The following DYSF variants were observed in gnomAD, a reference collection of about 807,000 sequenced individuals.
DYSF encodes the protein dysferlin.
DYSF carries 212 observed loss-of-function variants against 274.9 expected under a neutral mutation model. That is an observed-to-expected ratio of 0.77 (90% confidence interval 0.69 to 0.86). DYSF has a LOEUF of 0.86. Among genes scored for constraint, DYSF ranks in the 40% least tolerant of loss-of-function variants. The pLI, the probability that DYSF is intolerant of heterozygous loss-of-function variation, is 0.00. For missense variants in DYSF, 2,666 were observed against 2,783.2 expected (o/e 0.96, Z 0.95); for synonymous variants, 1,091 against 1,078.7 (o/e 1.01, Z -0.22).
intron 35 of DYSF, 155 bp from the exon 36 acceptor site, chr2:71,602,621 G>T (rs2093573047): frequency 1.4e-6 from 1 of 704,598 alleles, no homozygotes; most frequent in Admixed American, 2.1e-5. Context: ...TACCCTTGGT[G>T]GGAGGTGGTT....
At chr2:71,573,809 C>CTTTTTCT (rs1172047134) in intron 29 of DYSF, among the ~76,000 whole-genome samples, 1 of 151,944 alleles carries the variant, frequency 6.6e-6, no homozygotes, top group Non-Finnish European at 1.5e-5. Context: ...CCTGATTTTT[C>CTTTTTCT]TTTTTCTTTT....
intron 3 of DYSF, among the ~76,000 whole-genome samples, chr2:71,490,611 G>C (rs1045668236): frequency 6.6e-6 from 1 of 152,234 alleles, no homozygotes; most frequent in African/African-American, 2.4e-5. Flanking sequence ...ACAGGCGTGA[G>C]CCACTGCGCC....
At chr2:71,543,726 G>A (rs1274809637) in intron 17 of DYSF, among the ~76,000 whole-genome samples, 1 of 152,220 alleles carries the variant, frequency 6.6e-6, no homozygotes, top group African/African-American at 2.4e-5. Context: ...GTCAGGCGTG[G>A]CGGCGCGCGC....
At chr2:71,621,124 G>A (rs1387106195) in intron 41 of DYSF, among the ~76,000 whole-genome samples, 2 of 152,026 alleles carry the variant, frequency 1.3e-5, no homozygotes, top group African/African-American at 4.8e-5. Context: ...TGCCTGAGTG[G>A]ATTCCTTAGG....
intron 12 of DYSF, among the ~76,000 whole-genome samples, chr2:71,523,735 C>T (rs1278953513): frequency 2.0e-5 from 3 of 151,906 alleles, no homozygotes; most frequent in East Asian, 3.9e-4. Context: ...TTAGTAGAGA[C>T]GGGGTTTCAC....
chr2:71,468,171 ACCTGATGCTG>A (rs1220305886), intron 1 of DYSF, among the ~76,000 whole-genome samples: 2 of 152,206 alleles, frequency 1.3e-5, no homozygotes, highest in Non-Finnish European at 2.9e-5. Context: ...TCCAGTGTCC[ACCTGATGCTG>A]CCTAAGGCTT....
intron 3 of DYSF, among the ~76,000 whole-genome samples, chr2:71,482,943 A>C (rs2083053968): frequency 6.6e-6 from 1 of 152,038 alleles, no homozygotes; most frequent in African/African-American, 2.4e-5. Context: ...GTGGTGTCTG[A>C]GGCCTGAAAG....
rs144420549 is a variant in DYSF, at chr2:71,678,537, G to T, written c.5885-520G>T. On this transcript the variant is annotated intron_variant, in intron 52 of 55. Transcript: ENST00000410020. ...GGTTACTGGGGCGAAGGGGAGGGAG[G>T]AATGGGGAGTTATTGCTTAATGGGT... is the stretch of plus-strand genomic sequence containing the variant. Among the ~76,000 whole-genome samples the T allele has an allele frequency of 4.6e-3, 699 of 152,260 alleles. 4 individuals carry two copies. The highest frequency in any genetic ancestry group is 0.016 in the African/African-American group (658 of 41,554).
At chr2:71,610,782 T>C (rs17430004) in intron 36 of DYSF, 4,442 of 259,636 alleles carry the variant, frequency 0.017, 52 homozygotes, top group Middle Eastern at 0.026. Context: ...CCAGGACAGA[T>C]GATAACCCGG....
intron 32 of DYSF, among the ~76,000 whole-genome samples, chr2:71,592,764 C>T (rs1471052290): frequency 2.0e-5 from 3 of 152,212 alleles, no homozygotes; most frequent in South Asian, 4.1e-4. Context: ...CCGGGGGCTC[C>T]TACAGCCCTC....
intron 17 of DYSF, among the ~76,000 whole-genome samples, chr2:71,550,157 G>A (rs901605806): frequency 6.6e-6 from 1 of 152,234 alleles, no homozygotes; most frequent in East Asian, 1.9e-4. Flanking sequence ...CTCTGGCCCT[G>A]CTTTCTACCT....
At chr2:71,537,256 G>A (rs1465646239) in intron 16 of DYSF, among the ~76,000 whole-genome samples, 3 of 142,642 alleles carry the variant, frequency 2.1e-5, no homozygotes, top group African/African-American at 8.0e-5. Flanking sequence ...TGCGGGGGGC[G>A]TGGTGGGAGG....
chr2:71,519,811 G>GTTTTTTTTTTTTT (rs70959241), intron 10 of DYSF, among the ~76,000 whole-genome samples: 3 of 102,286 alleles, frequency 2.9e-5, no homozygotes, highest in Non-Finnish European at 5.6e-5. Context: ...CACCCGGCTA[G>GTTTTTTTTTTTTT]TTTTTTTTTT....
At chr2:71,478,782 GCCTC>G (rs1352003032) in intron 1 of DYSF, among the ~76,000 whole-genome samples, 3 of 151,938 alleles carry the variant, frequency 2.0e-5, no homozygotes, top group East Asian at 3.9e-4. Flanking sequence ...GCCCCTCCCT[GCCTC>G]CCTCCCTCCC....
chr2:71,686,382 C>G, intron 55 of DYSF, 72 bp from the exon 56 acceptor site: 4 of 1,590,732 alleles, frequency 2.5e-6, no homozygotes, highest in African/African-American at 1.3e-5. Flanking sequence ...AGCCCCAGGT[C>G]TGGGACAGCT....
chr2:71,536,985 C>T (rs1404353655), intron 16 of DYSF, among the ~76,000 whole-genome samples: 1 of 151,936 alleles, frequency 6.6e-6, no homozygotes, highest in East Asian at 1.9e-4. Flanking sequence ...ACAACAACAA[C>T]AAAAAAACCC....
At chr2:71,608,453 G>A (rs1246408172) in intron 36 of DYSF, among the ~76,000 whole-genome samples, 1 of 152,136 alleles carries the variant, frequency 6.6e-6, no homozygotes, top group Non-Finnish European at 1.5e-5. Context: ...ACAGCACGGT[G>A]GACAGAGATG....
rs572409232 is a variant in DYSF, at chr2:71,553,607, G to A, written c.1985-200G>A. On this transcript the variant is annotated intron_variant, in intron 20 of 55. Coordinates refer to ENST00000410020, the MANE Select transcript of DYSF (RefSeq NM_001130987.2). The stretch of plus-strand genomic sequence containing the variant: ...CACCTCTTCAGACACTAGGGAACAC[G>A]GGTACGGGCCACTCCACGTGTCCAA... 9.8e-5 allele frequency among the ~76,000 whole-genome samples: 15 copies of A among 152,296 alleles called. 1 individual carries two copies. The highest frequency in any genetic ancestry group is 1.2e-4 in the Non-Finnish European group (8 of 68,010).
intron 3 of DYSF, among the ~76,000 whole-genome samples, chr2:71,485,090 T>A (rs2152687796): frequency 6.6e-6 from 1 of 152,380 alleles, no homozygotes; most frequent in Non-Finnish European, 1.5e-5. Flanking sequence ...ACCTTTCTTA[T>A]AACATTTAAA....
Sources: allele counts gnomAD v4.1 joint callset (sites outside exome capture counted in the v4.1 genomes callset), GRCh38; gene constraint gnomAD v4.1.1; transcripts MANE v1.5; gene names NCBI Gene and HGNC (gene_info 2026-07-23, HGNC 2026-07-21).